Variants in MEI4 observed in about 807,000 individuals in gnomAD.
The protein encoded by MEI4 is meiotic double-stranded break formation protein 4, also known as meiosis-specific protein MEI4.
MEI4 carries 27 observed loss-of-function variants against 31.4 expected under a neutral mutation model. The observed-to-expected ratio is 0.86, with a 90% CI of 0.63 to 1.19. The LOEUF (loss-of-function observed/expected upper bound fraction) is 1.19, where lower values mean the gene tolerates loss of function less well. Among genes scored for constraint, MEI4 ranks in the 50% most tolerant of loss-of-function variants. The probability of loss-of-function intolerance (pLI) is 0.00; values close to 1 mark genes in which losing one functional copy is unlikely to be tolerated. For missense variants in MEI4, 329 were observed against 398.9 expected (o/e 0.82, Z 1.49); for synonymous variants, 122 against 145.4 (o/e 0.84, Z 1.16).
At chr6:77,832,561 A>T (rs1197834199) in intron 4 of MEI4, among the ~76,000 whole-genome samples, 1 of 152,066 alleles carries the variant, frequency 6.6e-6, no homozygotes, top group African/African-American at 2.4e-5. Context: ...GTTTGAAATA[A>T]ATAGCGATTA....
intron 2 of MEI4, among the ~76,000 whole-genome samples, chr6:77,743,025 C>T (rs1478831018): frequency 6.6e-6 from 1 of 151,998 alleles, no homozygotes; most frequent in African/African-American, 2.4e-5. Context: ...TTACTGTAGC[C>T]TTATAGTATA....
intron 2 of MEI4, among the ~76,000 whole-genome samples, chr6:77,748,691 C>T (rs1331676184): frequency 3.3e-5 from 5 of 152,210 alleles, no homozygotes; most frequent in South Asian, 4.1e-4. Context: ...TTGAATTTCT[C>T]CCAAGAAAAT....
At chr6:77,825,960 G>A (rs1769938364) in intron 3 of MEI4, among the ~76,000 whole-genome samples, 1 of 152,200 alleles carries the variant, frequency 6.6e-6, no homozygotes, top group African/African-American at 2.4e-5. Flanking sequence ...TGAAACTCAT[G>A]TGGGAGAAAG....
intron 4 of MEI4, among the ~76,000 whole-genome samples, chr6:77,854,774 C>G (rs1770708032): frequency 2.0e-5 from 3 of 152,062 alleles, no homozygotes; most frequent in Admixed American, 6.6e-5. Context: ...AGGCACCAAG[C>G]TACACACTTG....
chr6:77,714,895 C>T (rs923707220), intron 2 of MEI4, among the ~76,000 whole-genome samples: 10 of 152,194 alleles, frequency 6.6e-5, no homozygotes, highest in African/African-American at 1.4e-4. Flanking sequence ...GTCTGTGACC[C>T]TCTAGCGTAT....
At chr6:77,673,352 G>T (rs999299331) in intron 1 of MEI4, among the ~76,000 whole-genome samples, 21 of 152,116 alleles carry the variant, frequency 1.4e-4, no homozygotes, top group African/African-American at 5.1e-4. Context: ...ACAATGATTT[G>T]CTTTCATCTT....
chr6:77,663,241 G>T (rs148837980), intron 1 of MEI4, among the ~76,000 whole-genome samples: 5 of 152,056 alleles, frequency 3.3e-5, no homozygotes, highest in Admixed American at 6.5e-5. Flanking sequence ...AGGCCATGCT[G>T]TAGCAGGCAA....
At chr6:77,712,600 C>A (rs2127660413) in intron 2 of MEI4, among the ~76,000 whole-genome samples, 1 of 152,252 alleles carries the variant, frequency 6.6e-6, no homozygotes, top group African/African-American at 2.4e-5. Context: ...AATGAATGAT[C>A]ATAATCAACA....
intron 2 of MEI4, among the ~76,000 whole-genome samples, chr6:77,693,136 C>T (rs936304201): frequency 5.9e-5 from 9 of 152,000 alleles, no homozygotes; most frequent in African/African-American, 1.9e-4. Flanking sequence ...ATAGATGTTA[C>T]TAAAATCTTA....
intron 1 of MEI4, among the ~76,000 whole-genome samples, chr6:77,688,962 A>T (rs1400724241): frequency 2.6e-5 from 4 of 152,082 alleles, no homozygotes; most frequent in Non-Finnish European, 5.9e-5. Flanking sequence ...AATTCTAATT[A>T]GTTTGTTCAT....
chr6:77,665,455 G>C (rs1768611601), intron 1 of MEI4, among the ~76,000 whole-genome samples: 1 of 152,024 alleles, frequency 6.6e-6, no homozygotes, highest in Admixed American at 6.5e-5. Flanking sequence ...TGAAGGAGAA[G>C]GGGTTGAGGG....
intron 4 of MEI4, among the ~76,000 whole-genome samples, chr6:77,843,616 C>T (rs760504386): frequency 6.6e-6 from 1 of 151,458 alleles, no homozygotes; most frequent in Non-Finnish European, 1.5e-5. Flanking sequence ...AGGGTATAAT[C>T]GGTATATCAC....
intron 3 of MEI4, among the ~76,000 whole-genome samples, chr6:77,789,078 C>T (rs1768838074): frequency 6.6e-6 from 1 of 152,290 alleles, no homozygotes; most frequent in South Asian, 2.1e-4. Flanking sequence ...GGAACCAGAA[C>T]AGAGCCCTCA....
chr6:77,866,523 T>C lies in MEI4; in HGVS notation c.900+37461T>C, dbSNP rs1454064694. Reference sequence around the variant, plus strand: ...ACCTAGGAATCCAACTTATAAGGGATGTGAAGGACCTCTTGAAGGAGAACT... The same window carrying C: ...ACCTAGGAATCCAACTTATAAGGGACGTGAAGGACCTCTTGAAGGAGAACT... On this transcript the variant is annotated intron_variant, in intron 4 of 4. Transcript: ENST00000684080. Among the ~76,000 whole-genome samples the C allele has an allele frequency of 2.0e-5, 3 of 152,190 alleles. No individual in the cohort carries two copies. In the East Asian group the frequency reaches 5.8e-4, roughly 29 times the overall value.
intron 2 of MEI4, among the ~76,000 whole-genome samples, chr6:77,695,899 T>G (rs1766022671): frequency 6.6e-6 from 1 of 152,242 alleles, no homozygotes; most frequent in African/African-American, 2.4e-5. Flanking sequence ...CCCATGAGCA[T>G]GGAATGGTCT....
intron 2 of MEI4, among the ~76,000 whole-genome samples, chr6:77,713,264 C>T: frequency 6.6e-6 from 1 of 152,168 alleles, no homozygotes; most frequent in East Asian, 1.9e-4. Context: ...TAACACACTG[C>T]TTCCTGTCAC....
intron 2 of MEI4, among the ~76,000 whole-genome samples, chr6:77,695,644 C>T (rs958410491): frequency 1.3e-5 from 2 of 152,258 alleles, no homozygotes; most frequent in South Asian, 2.1e-4. Context: ...GGTACCAGTA[C>T]CATGCTGTTT....
intron 3 of MEI4, among the ~76,000 whole-genome samples, chr6:77,803,791 T>A (rs1443606568): frequency 6.6e-6 from 1 of 152,128 alleles, no homozygotes; most frequent in Non-Finnish European, 1.5e-5. Flanking sequence ...ACAGCGGATA[T>A]TGGTGAACAG....
intron 1 of MEI4, among the ~76,000 whole-genome samples, chr6:77,687,595 C>T (rs1311960442): frequency 1.3e-5 from 2 of 152,136 alleles, no homozygotes; most frequent in African/African-American, 4.8e-5. Flanking sequence ...AGGTTACTTG[C>T]ACTCTGTCTG....
Sources: allele counts gnomAD v4.1 joint callset (sites outside exome capture counted in the v4.1 genomes callset), GRCh38; gene constraint gnomAD v4.1.1; transcripts MANE v1.5; gene names NCBI Gene and HGNC (gene_info 2026-07-23, HGNC 2026-07-21).